KIRREL3: variants seen among roughly 807,000 people sequenced by gnomAD.
KIRREL3 encodes the protein kirre like nephrin family adhesion molecule 3.
In KIRREL3, 36 loss-of-function variants were observed where a neutral mutation model predicts 89.7. That is an observed-to-expected ratio of 0.40 (90% CI 0.31 to 0.53). The LOEUF is 0.53. Ranked by LOEUF, KIRREL3 falls within the 20% of genes least tolerant of loss-of-function variation. The probability of loss-of-function intolerance (pLI) is 0.49; values close to 1 mark genes in which losing one functional copy is unlikely to be tolerated. For missense variants in KIRREL3, 864 were observed against 1,056.6 expected, an observed-to-expected ratio of 0.82 and a Z score of 2.53; for synonymous variants, 445 against 441.4, an observed-to-expected ratio of 1.01 and a Z score of -0.10.
chr11:126,915,014 G>A (rs572010943), intron 1 of KIRREL3, among the ~76,000 whole-genome samples: 3 of 152,138 alleles, frequency 2.0e-5, no homozygotes, highest in South Asian at 2.1e-4. Flanking sequence ...AAAAACCAAC[G>A]CTCTTTAATT....
At chr11:126,984,573 G>A (rs888549136) in intron 1 of KIRREL3, among the ~76,000 whole-genome samples, 1 of 152,182 alleles carries the variant, frequency 6.6e-6, no homozygotes, top group African/African-American at 2.4e-5. Flanking sequence ...CTATAATGGA[G>A]TTATTATGTT....
rs2018760388 is a variant in KIRREL3 at position 126,778,308 on chromosome 11, G to C, written c.56-215396C>G. Among the ~76,000 whole-genome samples the C allele has an allele frequency of 6.6e-6, 1 of 152,116 alleles. No homozygotes were observed. Reference sequence around the variant, plus strand: ...GGAAACTAGTGCAAGAGGAGGCCAGGGGATTTGTCTTGAAGTTGTGTTTGC... The same window carrying C: ...GGAAACTAGTGCAAGAGGAGGCCAGCGGATTTGTCTTGAAGTTGTGTTTGC... On this transcript the variant is annotated intron_variant, in intron 1 of 16. Coordinates refer to ENST00000525144, the MANE Select transcript of KIRREL3 (RefSeq NM_032531.4). This position sits in a 1 kb window ranked among gnomAD's most constrained non-coding sequence, Gnocchi z 4.5.
In KIRREL3 at chr11:126,569,903, T is replaced by C. The variant is rs919304117; in HGVS notation, c.56-6991A>G. ...TTGCAGAATGATGGGGTCTTCTGTT[T>C]GGAAAGTTTTCACTTTGATTCTGCT... is the stretch of plus-strand genomic sequence containing the variant. On this transcript the variant is annotated intron_variant, in intron 1 of 16. Transcript: ENST00000525144. The surrounding 1 kb of genome is among the most constrained non-coding windows in gnomAD (Gnocchi z 6.5). 2.6e-5 allele frequency among the ~76,000 whole-genome samples: 4 copies of C among 152,168 alleles called. No homozygotes were observed. Among genetic ancestry groups the C allele is most frequent in the African/African-American group, 9.7e-5 (4 of 41,440 alleles).
chr11:126,957,110 C>T (rs146846344), intron 1 of KIRREL3, among the ~76,000 whole-genome samples: 1 of 152,228 alleles, frequency 6.6e-6, no homozygotes, highest in South Asian at 2.1e-4. Context: ...GATGAATTAA[C>T]AGAGTTCAGC....
At position 126,876,063 on chromosome 11, in the gene KIRREL3, G is replaced by A. The variant is rs1288628767; in HGVS notation, c.55+124392C>T. ...TGGTGATGGGAGGGGCACAGGAGGG[G>A]TATTGGAGGTGACCTATTGTTGGAA... On this transcript the variant is annotated intron_variant, in intron 1 of 16. Coordinates refer to ENST00000525144, the MANE Select transcript of KIRREL3 (RefSeq NM_032531.4). The surrounding 1 kb of genome is among the most constrained non-coding windows in gnomAD (Gnocchi z 4.1). 6.6e-6 allele frequency among the ~76,000 whole-genome samples: 1 copy of A among 152,176 alleles called. No homozygotes were observed. The highest frequency in any genetic ancestry group is 2.4e-5 in the African/African-American group (1 of 41,444).
rs1565423484 is a variant in KIRREL3, at chr11:126,923,207, CTTCT to C, written c.55+77244_55+77247del. Among the ~76,000 whole-genome samples the C allele has an allele frequency of 7.9e-3, 107 of 13,460 alleles. 20 individuals are homozygous for C. The highest frequency in any genetic ancestry group is 0.016 in the East Asian group (12 of 758). 8.8% of individuals were successfully genotyped at this position (13,460 alleles called of 152,430 possible). A position where few individuals can be genotyped will look rare whatever the true frequency, so the allele number is the denominator to read the frequency against. On this transcript the variant is annotated intron_variant, in intron 1 of 16. Coordinates refer to ENST00000525144, the MANE Select transcript of KIRREL3 (RefSeq NM_032531.4). ...TTCTTCTCTTCTTCTTCTTCTTCTTCTTCTTCTTCTTCTTCTTCTTCTTCTTCTT... is the reference window on the plus strand; with the variant it reads ...TTCTTCTCTTCTTCTTCTTCTTCTTCTCTTCTTCTTCTTCTTCTTCTTCTT...
intron 1 of KIRREL3, among the ~76,000 whole-genome samples, chr11:126,654,374 C>T (rs1945039202): frequency 1.4e-5 from 2 of 143,634 alleles, no homozygotes; most frequent in African/African-American, 2.6e-5. Context: ...TATTGCAATG[C>T]AACAGTGAAA....
rs1892931 is a variant in KIRREL3 at position 126,531,524 on chromosome 11, T to C, written c.134-4837A>G. 0.47 allele frequency among the ~76,000 whole-genome samples: 70,275 copies of C among 150,524 alleles called. 17,220 individuals carry two copies. Among genetic ancestry groups the C allele is most frequent in the East Asian group, 0.86 (4,291 of 4,984 alleles). ...GTCACCTGCCTCGAGTTCTCCTCGATGTTTCATTGTCCTGGGATGCACTGC... is the reference window on the plus strand; with the variant it reads ...GTCACCTGCCTCGAGTTCTCCTCGACGTTTCATTGTCCTGGGATGCACTGC... On this transcript the variant is annotated intron_variant, in intron 2 of 16. Coordinates refer to ENST00000525144, the MANE Select transcript of KIRREL3 (RefSeq NM_032531.4). This position sits in a 1 kb window ranked among gnomAD's most constrained non-coding sequence, Gnocchi z 4.7.
chr11:126,466,919 CCT>C (rs1370984996), intron 5 of KIRREL3, among the ~76,000 whole-genome samples: 1 of 152,216 alleles, frequency 6.6e-6, no homozygotes, highest in Non-Finnish European at 1.5e-5. Context: ...CCAAGGCCTC[CCT>C]CCAGTGTGGT....
intron 1 of KIRREL3, among the ~76,000 whole-genome samples, chr11:126,982,389 G>A (rs1220929501): frequency 6.6e-6 from 1 of 152,212 alleles, no homozygotes; most frequent in Non-Finnish European, 1.5e-5. Context: ...CTTCTATGGA[G>A]TCTTGATGCA....
chr11:126,913,871 C>T (rs1946929936), intron 1 of KIRREL3, among the ~76,000 whole-genome samples: 1 of 152,184 alleles, frequency 6.6e-6, no homozygotes, highest in African/African-American at 2.4e-5. Context: ...GTGTGGCTGA[C>T]ACCTCATCAG....
At position 126,844,565 on chromosome 11, in the gene KIRREL3, G is replaced by A. The variant is rs1003942117; in HGVS notation, c.55+155890C>T. Reference sequence around the variant, plus strand: ...CTCTCCTAAGACAGAAACCATTAAAGGCTCCTCTCCATAAAAGGCAAGGAC... The same window carrying A: ...CTCTCCTAAGACAGAAACCATTAAAAGCTCCTCTCCATAAAAGGCAAGGAC... On this transcript the variant is annotated intron_variant, in intron 1 of 16. Transcript: ENST00000525144. The surrounding 1 kb of genome is among the most constrained non-coding windows in gnomAD (Gnocchi z 4.8). Among the ~76,000 whole-genome samples the A allele has an allele frequency of 1.3e-5, 2 of 152,078 alleles. No homozygotes were observed. The highest frequency in any genetic ancestry group is 2.9e-5 in the Non-Finnish European group (2 of 68,008).
In KIRREL3 at chr11:126,611,999, G is replaced by T. The variant is rs1416626570; in HGVS notation, c.56-49087C>A. ...CCCACCTCCTCAAGCAAGCCTCCCA[G>T]CCCAGTCAGCCCCTGTGCACTCTCA... is the stretch of plus-strand genomic sequence containing the variant. On this transcript the variant is annotated intron_variant, in intron 1 of 16. Coordinates refer to ENST00000525144, the MANE Select transcript of KIRREL3 (RefSeq NM_032531.4). This position sits in a 1 kb window ranked among gnomAD's most constrained non-coding sequence, Gnocchi z 4.7. Among the ~76,000 whole-genome samples, 3 of 152,170 alleles carry T rather than the reference G, an allele frequency of 2.0e-5. No homozygotes were observed. Among genetic ancestry groups the T allele is most frequent in the African/African-American group, 4.8e-5 (2 of 41,430 alleles).
chr11:126,728,675 G>A (rs900740156), intron 1 of KIRREL3, among the ~76,000 whole-genome samples: 12 of 152,184 alleles, frequency 7.9e-5, no homozygotes, highest in African/African-American at 2.9e-4. Flanking sequence ...GAGGGGAAAG[G>A]AGGCAGGAGA....
intron 2 of KIRREL3, among the ~76,000 whole-genome samples, chr11:126,529,905 C>G (rs1958890828): frequency 7.1e-6 from 1 of 141,126 alleles, no homozygotes. Flanking sequence ...TACTGAGTAT[C>G]TAGAGTGGAT....
At position 126,528,548 on chromosome 11, in the gene KIRREL3, C is replaced by T. The variant is rs1958835875; in HGVS notation, c.134-1861G>A. On this transcript the variant is annotated intron_variant, in intron 2 of 16. Transcript: ENST00000525144. The surrounding 1 kb of genome is among the most constrained non-coding windows in gnomAD (Gnocchi z 4.6). ...GAGTCTCATTAAAAATCAAATTGGC[C>T]TTGAATTGTGGGAGTAACACTTTTT... 6.6e-6 allele frequency among the ~76,000 whole-genome samples: 1 copy of T among 152,168 alleles called. No individual in the cohort carries two copies. Among genetic ancestry groups the T allele is most frequent in the East Asian group, 1.9e-4 (1 of 5,192 alleles).
rs1411994884 is a variant in KIRREL3 at position 126,769,740 on chromosome 11, G to A, written c.56-206828C>T. Among the ~76,000 whole-genome samples, 3 of 152,174 alleles carry A rather than the reference G, an allele frequency of 2.0e-5. No homozygotes were observed. Among genetic ancestry groups the A allele is most frequent in the African/African-American group, 4.8e-5 (2 of 41,442 alleles). On this transcript the variant is annotated intron_variant, in intron 1 of 16. Transcript: ENST00000525144. The surrounding 1 kb of genome is among the most constrained non-coding windows in gnomAD (Gnocchi z 4.3). ...ACATCTTATAGCTTCCAGGGGCAAGGTGGAGGGTGCAGTGGTTTCCAGCTG... is the reference window on the plus strand; with the variant it reads ...ACATCTTATAGCTTCCAGGGGCAAGATGGAGGGTGCAGTGGTTTCCAGCTG...
At chr11:126,949,358 G>A (rs531750123) in intron 1 of KIRREL3, among the ~76,000 whole-genome samples, 36 of 152,272 alleles carry the variant, frequency 2.4e-4, no homozygotes, top group African/African-American at 7.7e-4. Flanking sequence ...CTCTTTATCA[G>A]AACTGCTCTA....
chr11:126,922,690 A>G (rs1039172686), intron 1 of KIRREL3, among the ~76,000 whole-genome samples: 12 of 151,434 alleles, frequency 7.9e-5, no homozygotes, highest in Non-Finnish European at 1.6e-4. Flanking sequence ...CCCTAAAAAC[A>G]AATAAAAAGC....
Sources: allele counts gnomAD v4.1 joint callset (sites outside exome capture counted in the v4.1 genomes callset), GRCh38; gene constraint gnomAD v4.1.1; non-coding constraint Gnocchi (gnomAD v3.1); transcripts MANE v1.5; gene names NCBI Gene and HGNC (gene_info 2026-07-23, HGNC 2026-07-21).